The following SLC22A24 variants were observed in gnomAD, a reference collection of about 807,000 sequenced individuals.
SLC22A24 encodes solute carrier family 22 member 24.
SLC22A24 carries 53 observed loss-of-function variants against 49.8 expected under a neutral mutation model. That is an observed-to-expected ratio of 1.06 (90% CI 0.85 to 1.34). SLC22A24 has a LOEUF of 1.34. Among genes scored for constraint, SLC22A24 ranks in the 40% most tolerant of loss-of-function variants. SLC22A24 has a pLI of 0.00. For missense variants in SLC22A24, 786 were observed against 675.9 expected, an observed-to-expected ratio of 1.16 and a Z score of -1.81; for synonymous variants, 302 against 256.4, an observed-to-expected ratio of 1.18 and a Z score of -1.70.
chr11:63,136,844 ACT>A (rs890446892), intron 1 of SLC22A24, among the ~76,000 whole-genome samples: 76 of 152,002 alleles, frequency 5.0e-4, no homozygotes, highest in Non-Finnish European at 6.5e-4. Context: ...TGACTCTGGT[ACT>A]CTCTCTACTG....
intron 4 of SLC22A24, among the ~76,000 whole-genome samples, chr11:63,109,533 G>A (rs973568195): frequency 7.2e-4 from 102 of 142,568 alleles, no homozygotes; most frequent in African/African-American, 1.9e-3. Context: ...TTTAATGATC[G>A]CCATTCCAAC....
chr11:63,093,904 T>C (rs1191538053), intron 6 of SLC22A24, among the ~76,000 whole-genome samples: 1 of 152,048 alleles, frequency 6.6e-6, no homozygotes, highest in East Asian at 1.9e-4. Flanking sequence ...ATGCAGTCAT[T>C]GGAATTATGA....
chr11:63,118,612 T>C (rs1473162419), intron 4 of SLC22A24: 2 of 552,936 alleles, frequency 3.6e-6, no homozygotes, highest in East Asian at 5.7e-5. Context: ...CTCCATCACA[T>C]AATATTCCAA....
chr11:63,127,016 A>G (rs1014546151), intron 2 of SLC22A24, among the ~76,000 whole-genome samples: 1 of 152,128 alleles, frequency 6.6e-6, no homozygotes, highest in Admixed American at 6.6e-5. Flanking sequence ...TCTAGGGTAC[A>G]TGTGCACAAT....
intron 4 of SLC22A24, among the ~76,000 whole-genome samples, chr11:63,111,546 A>T (rs2087164934): frequency 6.6e-6 from 1 of 152,134 alleles, no homozygotes; most frequent in Non-Finnish European, 1.5e-5. Context: ...TGGTCTATTC[A>T]GAGATTCAAC....
Position 63,143,516 on chromosome 11 carries a change from A to T in SLC22A24, c.264T>A (p.Cys88Ter), listed in dbSNP as rs772783607. ...PLDSNLRPQK[C>*]QRFIHPQWQL... ...GCCACTGGGGATGGATAAAGCGCTG[A>T]CACTTCTGTGGCCTCAGGTTTGAGT... is the stretch of plus-strand genomic sequence containing the variant. Residue 88 changes from cysteine (C) to a stop codon, truncating the protein, a stop_gained, in exon 1 of 10, where the codon TGT (cysteine) becomes TGA (stop). Transcript: ENST00000612278. LOFTEE classifies it high-confidence loss of function. 2.6e-5 allele frequency: 42 copies of T among 1,599,496 alleles called. No individual in the cohort carries two copies. Among genetic ancestry groups the T allele is most frequent in the Non-Finnish European group, 3.3e-5 (39 of 1,173,566 alleles).
At chr11:63,122,712 G>C (rs745769003) in intron 2 of SLC22A24, among the ~76,000 whole-genome samples, 6 of 152,014 alleles carry the variant, frequency 3.9e-5, no homozygotes, top group Non-Finnish European at 8.8e-5. Flanking sequence ...AGTAGAGACG[G>C]GGTTTCAGCA....
At chr11:63,116,152 T>C in intron 4 of SLC22A24, 1 of 420,766 alleles carries the variant, frequency 2.4e-6, no homozygotes, top group Non-Finnish European at 4.1e-6. Flanking sequence ...CTCATGGCCT[T>C]GGCATTGTTG....
At chr11:63,093,081 T>C (rs1017682496) in intron 6 of SLC22A24, among the ~76,000 whole-genome samples, 1 of 151,752 alleles carries the variant, frequency 6.6e-6, no homozygotes, top group African/African-American at 2.4e-5. Context: ...CCAACAAACA[T>C]GAAAAAAAGC....
At chr11:63,127,567 A>G (rs1356359856) in intron 2 of SLC22A24, among the ~76,000 whole-genome samples, 1 of 152,118 alleles carries the variant, frequency 6.6e-6, no homozygotes, top group Non-Finnish European at 1.5e-5. Context: ...ATCTTCCACA[A>G]TGGTTGAATT....
rs180845926 is a variant in SLC22A24, at chr11:63,108,794, T to A, written c.831-4496A>T. On this transcript the variant is annotated intron_variant, in intron 4 of 9. Coordinates refer to ENST00000612278, the MANE Select transcript of SLC22A24 (RefSeq NM_001136506.2). ...AGTGGTGATATCCCCTTTATCATTT[T>A]TTTTTGCATCTATTTGATTCTTTTT... Among the ~76,000 whole-genome samples, 34 of 152,222 alleles carry A rather than the reference T, an allele frequency of 2.2e-4. No homozygotes were observed. The East Asian group carries it at 5.8e-3, about 26-fold the overall frequency.
intron 4 of SLC22A24, among the ~76,000 whole-genome samples, chr11:63,113,113 C>T (rs182807187): frequency 0.025 from 118 of 4,778 alleles, 38 homozygotes; most frequent in African/African-American, 0.062. Flanking sequence ...CATATATATA[C>T]ACATATATAT....
At position 63,128,811 on chromosome 11, in the gene SLC22A24, G is replaced by A. The variant is rs143476402; in HGVS notation, c.506+5854C>T. On this transcript the variant is annotated intron_variant, in intron 2 of 9. Coordinates refer to ENST00000612278, the MANE Select transcript of SLC22A24 (RefSeq NM_001136506.2). ...TGTCTTGTATCTAATAAATAACAGC[G>A]CAGCCTGGCATTCAGGGCCACTACC... Among the ~76,000 whole-genome samples the A allele has an allele frequency of 4.9e-3, 743 of 152,140 alleles. 4 individuals are homozygous for A. Among genetic ancestry groups the A allele is most frequent in the African/African-American group, 0.017 (690 of 41,504 alleles).
rs1049080829 is a variant in SLC22A24 at position 63,096,041 on chromosome 11, C to G, written c.1020G>C (p.Leu340=). 6 of 1,550,812 alleles carry G rather than the reference C, an allele frequency of 3.9e-6. No individual in the cohort carries two copies. In the African/African-American group the frequency reaches 6.9e-5, roughly 18 times the overall value. The change falls in exon 6 of 10, where the codon CTG becomes CTC. Residue 340 remains leucine, a synonymous_variant. Transcript: ENST00000612278. Reference sequence around the variant, plus strand: ...TCATTCGCAATTTGGGTGCACGGAACAGGGAAAAAATGGATGTTTTAATTC... The same window carrying G: ...TCATTCGCAATTTGGGTGCACGGAAGAGGGAAAAAATGGATGTTTTAATTC... The part of the protein sequence containing the change: ...AVRIKTSIFS[L]FRAPKLRMRV...
chr11:63,133,514 G>A (rs1444733998), intron 2 of SLC22A24, among the ~76,000 whole-genome samples: 2 of 152,178 alleles, frequency 1.3e-5, no homozygotes, highest in Admixed American at 6.5e-5. Context: ...ACTCTCCTCA[G>A]TGTCCTTGTG....
At chr11:63,083,964 G>T (rs1246007968) in intron 6 of SLC22A24, among the ~76,000 whole-genome samples, 1 of 152,108 alleles carries the variant, frequency 6.6e-6, no homozygotes, top group Non-Finnish European at 1.5e-5. Context: ...CTGGAGAATG[G>T]GGGTAATACT....
chr11:63,111,646 T>G (rs1192492879), intron 4 of SLC22A24, among the ~76,000 whole-genome samples: 1 of 150,576 alleles, frequency 6.6e-6, no homozygotes, highest in Non-Finnish European at 1.5e-5. Flanking sequence ...TAGAGGTGTT[T>G]GTAGTATTCT....
At chr11:63,124,487 G>A (rs1429734534) in intron 2 of SLC22A24, among the ~76,000 whole-genome samples, 1 of 152,178 alleles carries the variant, frequency 6.6e-6, no homozygotes, top group Admixed American at 6.5e-5. Flanking sequence ...TGTTAGAAAT[G>A]CAGAAGTTCC....
chr11:63,111,332 C>T (rs368308607), intron 4 of SLC22A24, among the ~76,000 whole-genome samples: 11 of 151,950 alleles, frequency 7.2e-5, no homozygotes, highest in South Asian at 2.1e-4. Context: ...TGTCTCTGCC[C>T]GGCTTTGGTA....
Sources: gnomAD v4.1 joint callset for allele counts (sites outside exome capture counted in the v4.1 genomes callset) on GRCh38, gnomAD v4.1.1 for gene constraint, MANE v1.5 for transcripts, NCBI Gene and HGNC (gene_info 2026-07-23, HGNC 2026-07-21) for gene names.